NPAS3: variants seen among roughly 807,000 people sequenced by gnomAD.
The protein encoded by NPAS3 is neuronal PAS domain-containing protein 3.
A neutral mutation model predicts 73.1 loss-of-function variants in NPAS3; 14 were observed. The ratio of observed to expected loss-of-function variants is 0.19; its 90% confidence interval spans 0.13 to 0.30. The LOEUF is 0.30. NPAS3 is among the 10% of genes least tolerant of loss of function. The pLI, the probability that NPAS3 is intolerant of heterozygous loss-of-function variation, is 1.00. For synonymous variants in NPAS3, 620 were observed against 541.5 expected, an observed-to-expected ratio of 1.14 and a Z score of -2.01; for missense variants, 1,096 against 1,250.0, an observed-to-expected ratio of 0.88 and a Z score of 1.86.
chr14:32,999,865 G>A (rs1157165109), intron 1 of NPAS3, among the ~76,000 whole-genome samples: 1 of 152,166 alleles, frequency 6.6e-6, no homozygotes, highest in Non-Finnish European at 1.5e-5. Flanking sequence ...GGATGTACAA[G>A]TGTTGCATAG....
intron 2 of NPAS3, among the ~76,000 whole-genome samples, chr14:33,162,992 CAAAG>C (rs1253089818): frequency 6.6e-6 from 1 of 152,134 alleles, no homozygotes; most frequent in East Asian, 1.9e-4. Flanking sequence ...TTACTGCTGA[CAAAG>C]AAAAAGGAAG....
At chr14:33,729,391 G>GA (rs1354827197) in intron 6 of NPAS3, among the ~76,000 whole-genome samples, 3 of 152,184 alleles carry the variant, frequency 2.0e-5, no homozygotes, top group East Asian at 3.9e-4. Context: ...TCTGGTATTG[G>GA]ATAACAAATT....
chr14:33,482,028 G>A (rs2051350564), intron 4 of NPAS3, among the ~76,000 whole-genome samples: 1 of 149,552 alleles, frequency 6.7e-6, no homozygotes, highest in South Asian at 2.1e-4. Flanking sequence ...AACAGGCAGT[G>A]GAAAATTCAT....
chr14:33,265,017 G>T (rs1052800349), intron 3 of NPAS3, among the ~76,000 whole-genome samples: 10 of 152,228 alleles, frequency 6.6e-5, no homozygotes, highest in Admixed American at 2.0e-4. Context: ...GGCAGGCACA[G>T]AGTGAGTGAG....
chr14:33,033,323 A>G (rs920818380), intron 1 of NPAS3, among the ~76,000 whole-genome samples: 1 of 151,982 alleles, frequency 6.6e-6, no homozygotes, highest in African/African-American at 2.4e-5. Flanking sequence ...TACTAAAAAT[A>G]CAAAAATTAG....
intron 3 of NPAS3, among the ~76,000 whole-genome samples, chr14:33,316,356 A>G (rs1179273156): frequency 2.0e-5 from 3 of 152,098 alleles, no homozygotes; most frequent in Non-Finnish European, 4.4e-5. Flanking sequence ...GCAGCAATAC[A>G]TAGATTTCTC....
At chr14:33,722,685 A>G (rs528677132) in intron 6 of NPAS3, among the ~76,000 whole-genome samples, 7 of 152,298 alleles carry the variant, frequency 4.6e-5, no homozygotes, top group African/African-American at 1.7e-4. Flanking sequence ...AAAGATGTCA[A>G]AAATAGAGAT....
intron 4 of NPAS3, among the ~76,000 whole-genome samples, chr14:33,414,450 GAA>G (rs996386264): frequency 2.0e-5 from 3 of 151,868 alleles, no homozygotes; most frequent in Admixed American, 6.6e-5. Context: ...GCGGTTCAAA[GAA>G]AAAAAGATAA....
At chr14:33,471,870 C>T (rs1321304689) in intron 4 of NPAS3, among the ~76,000 whole-genome samples, 2 of 152,176 alleles carry the variant, frequency 1.3e-5, no homozygotes, top group African/African-American at 4.8e-5. Context: ...ACAGCCGCTC[C>T]CTATCACTCG....
chr14:33,408,955 A>G lies in NPAS3; in HGVS notation c.468+41687A>G, dbSNP rs12888843. 7.2e-3 allele frequency among the ~76,000 whole-genome samples: 1,096 copies of G among 152,294 alleles called. 6 individuals carry two copies. The highest frequency in any genetic ancestry group is 0.012 in the Non-Finnish European group (840 of 68,002). On this transcript the variant is annotated intron_variant, in intron 4 of 11. Coordinates refer to ENST00000356141, the Ensembl canonical transcript of NPAS3. The stretch of plus-strand genomic sequence containing the variant: ...AATTATTTTGTTGATACAGAGCTTT[A>G]TTTTTGGACACAAATGCTTAAGCAA...
intron 2 of NPAS3, among the ~76,000 whole-genome samples, chr14:33,141,161 A>G (rs965077891): frequency 5.3e-5 from 8 of 152,236 alleles, no homozygotes; most frequent in African/African-American, 1.4e-4. Flanking sequence ...TGACATGCCA[A>G]TGAATTGCGA....
intron 3 of NPAS3, among the ~76,000 whole-genome samples, chr14:33,271,167 T>TG (rs1343168620): frequency 6.6e-6 from 1 of 152,184 alleles, no homozygotes; most frequent in African/African-American, 2.4e-5. Flanking sequence ...ATAGATTGAA[T>TG]GGGGAAACCC....
chr14:32,984,257 T>C (rs2038012548), intron 1 of NPAS3, among the ~76,000 whole-genome samples: 1 of 152,234 alleles, frequency 6.6e-6, no homozygotes, highest in African/African-American at 2.4e-5. Flanking sequence ...TGTATGGAGT[T>C]AGAAGCAGAG....
downstream of NPAS3, chr14:33,802,244 G>A (rs773910009): frequency 1.3e-5 from 2 of 151,446 alleles, no homozygotes; most frequent in South Asian, 4.2e-4. Context: ...GTATTTGGGG[G>A]GACTGGTTTG....
At chr14:33,759,415 T>A (rs1050050035) in intron 7 of NPAS3, among the ~76,000 whole-genome samples, 4 of 152,218 alleles carry the variant, frequency 2.6e-5, no homozygotes. Flanking sequence ...TACACTCAGA[T>A]GTCTCCCAGA....
At position 33,215,380 on chromosome 14, in the gene NPAS3, G is replaced by A. The variant is rs199601902; in HGVS notation, c.339G>A (p.Pro113=). 21 of 1,613,892 alleles carry A rather than the reference G, an allele frequency of 1.3e-5. No homozygotes were observed. In the East Asian group the frequency reaches 2.5e-4, roughly 19 times the overall value. Residue 113 remains proline, a synonymous_variant, in exon 3 of 12, where the codon CCG becomes CCA. Coordinates refer to ENST00000356141, the Ensembl canonical transcript of NPAS3. ...ACTTTGCTAACCAGGGGGACCCTCCGTGGAACTTGCGAATGGAAGGCCCTC... is the reference window on the plus strand; with the variant it reads ...ACTTTGCTAACCAGGGGGACCCTCCATGGAACTTGCGAATGGAAGGCCCTC...
chr14:33,309,103 C>T (rs528220617), intron 3 of NPAS3, among the ~76,000 whole-genome samples: 1 of 152,292 alleles, frequency 6.6e-6, no homozygotes, highest in Non-Finnish European at 1.5e-5. Context: ...CAGTTGCTAC[C>T]AGTGCCTGCT....
chr14:33,554,366 C>T (rs758346677), intron 4 of NPAS3, among the ~76,000 whole-genome samples: 3 of 152,172 alleles, frequency 2.0e-5, no homozygotes, highest in Admixed American at 6.5e-5. Context: ...TACTCTATCA[C>T]GTATGGGCAT....
At chr14:33,266,466 A>G (rs1402662804) in intron 3 of NPAS3, among the ~76,000 whole-genome samples, 2 of 152,198 alleles carry the variant, frequency 1.3e-5, no homozygotes, top group African/African-American at 2.4e-5. Context: ...AAAGATGATT[A>G]TGCCATTTTA....
Sources: gnomAD v4.1 joint callset for allele counts (sites outside exome capture counted in the v4.1 genomes callset) on GRCh38, gnomAD v4.1.1 for gene constraint, MANE v1.5 for transcripts, NCBI Gene and HGNC (gene_info 2026-07-23, HGNC 2026-07-21) for gene names.